Variants in GOLM1 observed in about 807,000 individuals in gnomAD.
The protein encoded by GOLM1 is golgi membrane protein 1.
A neutral mutation model predicts 50.5 loss-of-function variants in GOLM1; 31 were observed. The ratio of observed to expected loss-of-function variants is 0.61; its 90% CI spans 0.46 to 0.83. GOLM1 has a LOEUF of 0.83. GOLM1 is among the 40% of genes least tolerant of loss of function. The pLI, the probability that GOLM1 is intolerant of heterozygous loss-of-function variation, is 0.00. For missense variants in GOLM1, 491 were observed against 501.3 expected (o/e 0.98, Z 0.20); for synonymous variants, 178 against 192.8 (o/e 0.92, Z 0.64).
At chr9:86,027,919 C>CTA in intron 9 of GOLM1, 26 bp from the exon 10 acceptor site, 1 of 1,368,698 alleles carries the variant, frequency 7.3e-7, no homozygotes, top group Non-Finnish European at 1.0e-6. Flanking sequence ...ACATAATATT[C>CTA]TATAGAGTAT....
chr9:86,028,304 C>T (rs1368163075), intron 9 of GOLM1, among the ~76,000 whole-genome samples: 1 of 152,186 alleles, frequency 6.6e-6, no homozygotes, highest in Non-Finnish European at 1.5e-5. Context: ...AACACACTGG[C>T]AGAAGAACAC....
chr9:86,087,464 C>T lies in GOLM1; in HGVS notation c.-21-8123G>A, dbSNP rs569038613. ...TCTTGCTTGATTGCCCTGGCCAGAA[C>T]TTCAAATACCATGCTGAATAGGAGT... is the stretch of plus-strand genomic sequence containing the variant. On this transcript the variant is annotated intron_variant, in intron 1 of 9. Transcript: ENST00000388712. 5.9e-5 allele frequency among the ~76,000 whole-genome samples: 9 copies of T among 152,320 alleles called. No homozygotes were observed. In the South Asian group the frequency reaches 1.4e-3, roughly 25 times the overall value.
chr9:86,097,857 A>G (rs12235297), intron 1 of GOLM1, among the ~76,000 whole-genome samples: 27,772 of 152,024 alleles, frequency 0.18, 3,756 homozygotes, highest in East Asian at 0.52. Context: ...CAGCTGTCCT[A>G]ACTGTTGTTT....
chr9:86,033,364 A>T lies in GOLM1; in HGVS notation c.1047T>A (p.Asp349Glu). 6.2e-7 allele frequency: 1 copy of T among 1,612,186 alleles called. No individual in the cohort carries two copies. Among genetic ancestry groups the T allele is most frequent in the Non-Finnish European group, 8.5e-7 (1 of 1,178,266 alleles). The change falls in exon 9 of 10, where the codon GAT becomes GAA. Residue 349 changes from aspartate (D) to glutamate (E), a missense_variant. Coordinates refer to ENST00000388712, the MANE Select transcript of GOLM1 (RefSeq NM_016548.4). ...CTTCATTTTCATCCATGTTGTAGTC[A>T]TCTTCTCCTCTCAGTTTCTGCTGGT... ...GRNQQKLRGEDDYNMDENEAE... is the reference protein window; with the variant it reads ...GRNQQKLRGEEDYNMDENEAE...
At chr9:86,078,609 A>G (rs1834691539) in intron 2 of GOLM1, among the ~76,000 whole-genome samples, 1 of 152,184 alleles carries the variant, frequency 6.6e-6, no homozygotes, top group Admixed American at 6.5e-5. Flanking sequence ...GGGAGGTGCC[A>G]AGATCAAGGC....
chr9:86,059,556 A>G (rs774725264), intron 3 of GOLM1, among the ~76,000 whole-genome samples: 3 of 152,120 alleles, frequency 2.0e-5, no homozygotes, highest in Non-Finnish European at 4.4e-5. Context: ...GAAGAGGGAA[A>G]TGGGGAGTGA....
At chr9:86,078,109 G>A (rs1291734813) in intron 2 of GOLM1, 1 of 152,828 alleles carries the variant, frequency 6.5e-6, no homozygotes, top group Non-Finnish European at 1.5e-5. Context: ...ACGTGCTGGG[G>A]TGCCACGGCT....
intron 4 of GOLM1, among the ~76,000 whole-genome samples, chr9:86,051,374 T>C (rs1191120646): frequency 1.3e-5 from 2 of 152,226 alleles, no homozygotes; most frequent in African/African-American, 4.8e-5. Context: ...TAGATGTCTA[T>C]TAGGTCTGCT....
intron 4 of GOLM1, among the ~76,000 whole-genome samples, chr9:86,052,229 TG>T (rs1172966544): frequency 6.6e-6 from 1 of 152,226 alleles, no homozygotes; most frequent in Non-Finnish European, 1.5e-5. Flanking sequence ...ACAGGTCACA[TG>T]TATACCATAT....
intron 1 of GOLM1, 40 bp from the exon 2 acceptor site, chr9:86,079,381 T>C: frequency 6.8e-7 from 1 of 1,477,868 alleles, no homozygotes; most frequent in South Asian, 1.3e-5. Context: ...CAATACTAGT[T>C]TTATCATCTC....
intron 3 of GOLM1, among the ~76,000 whole-genome samples, chr9:86,072,865 T>G (rs1834490007): frequency 6.6e-6 from 1 of 152,190 alleles, no homozygotes; most frequent in Non-Finnish European, 1.5e-5. Flanking sequence ...CTGTACAGCA[T>G]GGGACTGTAC....
Position 86,067,362 on chromosome 9 carries a change from T to A in GOLM1, c.309+10050A>T, listed in dbSNP as rs1351497660. Among the ~76,000 whole-genome samples the A allele has an allele frequency of 2.6e-5, 4 of 152,380 alleles. No homozygotes were observed. In the South Asian group the frequency reaches 8.3e-4, roughly 32 times the overall value. Reference sequence around the variant, plus strand: ...TCTACCAAAAACTAAAACCCAAGTATCTGTTTCTAGTTAGGCCCCTTAAAA... The same window carrying A: ...TCTACCAAAAACTAAAACCCAAGTAACTGTTTCTAGTTAGGCCCCTTAAAA... On this transcript the variant is annotated intron_variant, in intron 3 of 9. Transcript: ENST00000388712.
At chr9:86,046,136 A>G (rs1417226654) in intron 5 of GOLM1, among the ~76,000 whole-genome samples, 2 of 152,228 alleles carry the variant, frequency 1.3e-5, no homozygotes, top group Admixed American at 6.5e-5. Flanking sequence ...ATTTTGCCAA[A>G]ATGTCTTTTA....
intron 1 of GOLM1, among the ~76,000 whole-genome samples, chr9:86,086,431 T>C (rs929162666): frequency 6.6e-6 from 1 of 152,210 alleles, no homozygotes; most frequent in African/African-American, 2.4e-5. Context: ...ACTCTGATGA[T>C]AGCCTCTTTA....
chr9:86,099,225 G>C (rs931711718), intron 1 of GOLM1, among the ~76,000 whole-genome samples, 186 bp downstream of exon 1: 5 of 152,052 alleles, frequency 3.3e-5, no homozygotes, highest in South Asian at 2.1e-4. Context: ...CGGGCTACTC[G>C]GTGCAGGAAG....
rs375193474 is a variant in GOLM1 at position 86,035,671 on chromosome 9, TAAAAA to T, written c.758-51_758-47del. On this transcript the variant is annotated intron_variant, in intron 7 of 9. Transcript: ENST00000388712. ...GCTGTGACCTTGCCAGCATTTGATTTAAAAAAAAAAAAAAAAAAAAAAGCAAAACC... is the reference window on the plus strand; with the variant it reads ...GCTGTGACCTTGCCAGCATTTGATTTAAAAAAAAAAAAAAAAAGCAAAACC... The T allele has an allele frequency of 4.1e-3, 3,547 of 872,280 alleles. 63 individuals are homozygous for T. In the African/African-American group the frequency reaches 0.067, roughly 16 times the overall value. 54.0% of individuals were successfully genotyped at this position (872,280 alleles called of 1,614,324 possible).
intron 1 of GOLM1, among the ~76,000 whole-genome samples, chr9:86,082,812 G>T (rs761073180): frequency 3.9e-5 from 6 of 152,154 alleles, no homozygotes; most frequent in African/African-American, 7.2e-5. Flanking sequence ...ACCTCCCCAG[G>T]TGATTCATAT....
At chr9:86,049,996 T>C (rs1420435089) in intron 4 of GOLM1, among the ~76,000 whole-genome samples, 1 of 152,244 alleles carries the variant, frequency 6.6e-6, no homozygotes, top group Non-Finnish European at 1.5e-5. Flanking sequence ...TGATAATGGC[T>C]GTGGGTCTGT....
In GOLM1 at chr9:86,027,155, C is replaced by T. The variant is rs1304646164; in HGVS notation, c.*662G>A. The T allele has an allele frequency of 9.1e-6, 9 of 985,312 alleles. No homozygotes were observed. In the Admixed American group the frequency reaches 3.1e-4, roughly 34 times the overall value. 61.0% of individuals were successfully genotyped at this position (985,312 alleles called of 1,614,324 possible). ...CCACAAATGTTCAAATTCTAAGCCA[C>T]TTAATAGCGTTTTGTACATTAAAAA... On this transcript the variant is annotated 3_prime_UTR_variant, in exon 10 of 10. Coordinates refer to ENST00000388712, the MANE Select transcript of GOLM1 (RefSeq NM_016548.4).
Sources: allele counts gnomAD v4.1 joint callset (sites outside exome capture counted in the v4.1 genomes callset), GRCh38; gene constraint gnomAD v4.1.1; transcripts MANE v1.5; gene names NCBI Gene and HGNC (gene_info 2026-07-23, HGNC 2026-07-21).